The following MCC variants were observed in gnomAD, a reference collection of about 807,000 sequenced individuals.
MCC encodes the protein colorectal mutant cancer protein.
Under a neutral mutation model 116.2 loss-of-function variants are expected in MCC, and 90 were observed. The observed-to-expected ratio is 0.77, with a 90% confidence interval of 0.65 to 0.92. The LOEUF (loss-of-function observed/expected upper bound fraction) is 0.92, where lower values mean the gene tolerates loss of function less well. Among genes scored for constraint, MCC ranks in the 40% least tolerant of loss-of-function variants. The pLI is 0.00. For missense variants in MCC, 1,516 were observed against 1,312.2 expected, an observed-to-expected ratio of 1.16 and a Z score of -2.40; for synonymous variants, 578 against 510.5, an observed-to-expected ratio of 1.13 and a Z score of -1.78.
At chr5:113,416,560 A>G (rs933245899) in intron 1 of MCC, among the ~76,000 whole-genome samples, 4 of 152,226 alleles carry the variant, frequency 2.6e-5, no homozygotes, top group African/African-American at 9.7e-5. Context: ...TATATTCTAC[A>G]TACATATATA....
At chr5:113,187,234 G>A (rs1561439379) in intron 3 of MCC, among the ~76,000 whole-genome samples, 3 of 152,060 alleles carry the variant, frequency 2.0e-5, no homozygotes, top group African/African-American at 7.2e-5. Flanking sequence ...CCAGCCTCCT[G>A]AGCAGTTGGG....
chr5:113,103,787 C>G (rs972609633), intron 7 of MCC, among the ~76,000 whole-genome samples: 1 of 152,184 alleles, frequency 6.6e-6, no homozygotes, highest in Non-Finnish European at 1.5e-5. Context: ...CCATCTCAAA[C>G]AGCAAGAGGA....
At chr5:113,028,510 A>G (rs1357018599) in intron 18 of MCC, among the ~76,000 whole-genome samples, 1 of 152,160 alleles carries the variant, frequency 6.6e-6, no homozygotes, top group Non-Finnish European at 1.5e-5. Flanking sequence ...TTTTTTATAG[A>G]GAAGAGTCCT....
At position 113,232,036 on chromosome 5, in the gene MCC, T is replaced by G. The variant is rs566433686; in HGVS notation, c.628-80614A>C. ...GTAGACTCAAACTATGAAATACAAT[T>G]GCCTAAATAGTTTATCACCACCTCA... On this transcript the variant is annotated intron_variant, in intron 3 of 18. Transcript: ENST00000408903. Among the ~76,000 whole-genome samples the G allele has an allele frequency of 2.0e-5, 3 of 152,312 alleles. No homozygotes were observed. In the South Asian group the frequency reaches 6.2e-4, roughly 32 times the overall value.
chr5:113,346,964 C>A (rs1382240018), intron 2 of MCC, among the ~76,000 whole-genome samples: 6 of 150,506 alleles, frequency 4.0e-5, no homozygotes, highest in African/African-American at 1.2e-4. Context: ...AACCCTTTTA[C>A]ACTAGAATAG....
chr5:113,407,262 C>T (rs1206259330), intron 1 of MCC, among the ~76,000 whole-genome samples: 3 of 152,116 alleles, frequency 2.0e-5, no homozygotes, highest in African/African-American at 7.2e-5. Flanking sequence ...TCTAGCTGAT[C>T]TCAAAGGACC....
At chr5:113,040,079 A>G (rs936257333) in intron 17 of MCC, among the ~76,000 whole-genome samples, 1 of 151,700 alleles carries the variant, frequency 6.6e-6, no homozygotes, top group Non-Finnish European at 1.5e-5. Context: ...GGTCATCCAG[A>G]TGGGGTTTTA....
At chr5:113,144,340 G>A (rs1759362832) in intron 4 of MCC, among the ~76,000 whole-genome samples, 3 of 152,164 alleles carry the variant, frequency 2.0e-5, no homozygotes, top group Admixed American at 2.0e-4. Flanking sequence ...CCTCAGTGAT[G>A]GAACAAGTAG....
chr5:113,327,782 G>A (rs1283432817), intron 3 of MCC, among the ~76,000 whole-genome samples: 1 of 150,308 alleles, frequency 6.7e-6, no homozygotes, highest in Non-Finnish European at 1.5e-5. Flanking sequence ...TTAGGTTGGT[G>A]CAAAAGCAAT....
At chr5:113,457,555 G>A (rs1771608354) in intron 1 of MCC, among the ~76,000 whole-genome samples, 1 of 152,130 alleles carries the variant, frequency 6.6e-6, no homozygotes, top group African/African-American at 2.4e-5. Context: ...CTGGCAGGCA[G>A]CTCCACCTGC....
At chr5:113,363,147 C>T (rs1193797919) in intron 2 of MCC, among the ~76,000 whole-genome samples, 1 of 151,982 alleles carries the variant, frequency 6.6e-6, no homozygotes, top group Non-Finnish European at 1.5e-5. Context: ...TGTGGTGGCA[C>T]GTGCCTGTAA....
At chr5:113,248,237 A>T (rs1044528028) in intron 3 of MCC, among the ~76,000 whole-genome samples, 1,640 of 44,982 alleles carry the variant, frequency 0.036, 34 homozygotes, top group African/African-American at 0.3. Context: ...TATCTATTTA[A>T]AAAAAAAAAA....
chr5:113,144,435 T>A (rs1002262268), intron 4 of MCC, among the ~76,000 whole-genome samples: 1 of 152,232 alleles, frequency 6.6e-6, no homozygotes, highest in Non-Finnish European at 1.5e-5. Flanking sequence ...TCAACAAGGT[T>A]TTCTTAGTGC....
At chr5:113,085,902 C>G (rs1435127659) in intron 8 of MCC, among the ~76,000 whole-genome samples, 2 of 152,276 alleles carry the variant, frequency 1.3e-5, no homozygotes, top group East Asian at 3.9e-4. Context: ...GTTGCCAGGG[C>G]TCGTCTTGAA....
rs544151685 is a variant in MCC at position 113,450,463 on chromosome 5, C to G, written c.170+37782G>C. On this transcript the variant is annotated intron_variant, in intron 1 of 18. Coordinates refer to ENST00000408903, the MANE Select transcript of MCC (RefSeq NM_001085377.2). ...GCCTTTGACTGATGTGATGCCCCCC[C>G]AAGCCTGGCAGCATCATGAACAGAA... Among the ~76,000 whole-genome samples the G allele has an allele frequency of 7.0e-4, 106 of 152,252 alleles. 1 individual carries two copies. In the South Asian group the frequency reaches 0.021, roughly 30 times the overall value.
chr5:113,043,366 T>C lies in MCC; in HGVS notation c.2756+164A>G, dbSNP rs1304216261. ...TTAAGTGCTCTCTCTTCTCACTGTT[T>C]TGAAAGGCCTGGCACCAACAGGCCT... On this transcript the variant is annotated intron_variant, in intron 17 of 18. Coordinates refer to ENST00000408903, the MANE Select transcript of MCC (RefSeq NM_001085377.2). 2.0e-5 allele frequency among the ~76,000 whole-genome samples: 3 copies of C among 152,322 alleles called. No homozygotes were observed. The East Asian group carries it at 5.8e-4, about 29-fold the overall frequency.
At chr5:113,116,571 T>C (rs541917389) in intron 6 of MCC, among the ~76,000 whole-genome samples, 1 of 152,336 alleles carries the variant, frequency 6.6e-6, no homozygotes, top group East Asian at 1.9e-4. Context: ...TCATTTTGAG[T>C]AAATGCTGTA....
At chr5:113,027,612 G>T in intron 18 of MCC, 130 bp from the exon 19 acceptor site, 3 of 863,236 alleles carry the variant, frequency 3.5e-6, no homozygotes, top group East Asian at 2.5e-5. Context: ...TCTTCGGTAA[G>T]AATCTGAAAT....
chr5:113,275,505 C>A (rs1212619520), intron 3 of MCC, among the ~76,000 whole-genome samples: 3 of 152,152 alleles, frequency 2.0e-5, no homozygotes, highest in African/African-American at 7.2e-5. Flanking sequence ...TTAAAAAGGA[C>A]TCCACTAGGC....
Sources: gnomAD v4.1 joint callset for allele counts (sites outside exome capture counted in the v4.1 genomes callset) on GRCh38, gnomAD v4.1.1 for gene constraint, MANE v1.5 for transcripts, NCBI Gene and HGNC (gene_info 2026-07-23, HGNC 2026-07-21) for gene names.